Variants in SPECC1 observed in about 807,000 individuals in gnomAD.
SPECC1 encodes the protein sperm antigen with calponin homology and coiled-coil domains 1.
SPECC1 carries 62 observed loss-of-function variants against 104.1 expected under a neutral mutation model. That is an observed-to-expected ratio of 0.60 (90% CI 0.49 to 0.74). The LOEUF is 0.74. SPECC1 is among the 30% of genes least tolerant of loss of function. SPECC1 has a pLI of 0.00. For missense variants in SPECC1, 1,306 were observed against 1,310.5 expected (o/e 1.00, Z 0.05); for synonymous variants, 513 against 501.6 (o/e 1.02, Z -0.30).
At chr17:20,058,768 G>T (rs181844177) in intron 1 of SPECC1, among the ~76,000 whole-genome samples, 1 of 151,578 alleles carries the variant, frequency 6.6e-6, no homozygotes, top group Non-Finnish European at 1.5e-5. Flanking sequence ...GAATTTTTCC[G>T]TGAACTGGGG....
intron 4 of SPECC1, among the ~76,000 whole-genome samples, chr17:20,221,595 A>G (rs758849139): frequency 1.8e-4 from 28 of 151,938 alleles, no homozygotes; most frequent in Non-Finnish European, 3.4e-4. Context: ...TATCTTTTCA[A>G]AAACCAACTT....
intron 12 of SPECC1, among the ~76,000 whole-genome samples, chr17:20,287,252 C>T (rs961266137): frequency 7.9e-5 from 12 of 151,894 alleles, no homozygotes; most frequent in African/African-American, 2.9e-4. Context: ...CCCGTCTCTA[C>T]GAAAAATACA....
intron 1 of SPECC1, among the ~76,000 whole-genome samples, chr17:20,040,839 T>C (rs987243914): frequency 1.1e-4 from 16 of 152,232 alleles, no homozygotes; most frequent in African/African-American, 3.9e-4. Context: ...ATTTCGAATC[T>C]ATAGGTTTAT....
At chr17:20,050,284 G>T (rs1449471529) in intron 1 of SPECC1, among the ~76,000 whole-genome samples, 1 of 152,020 alleles carries the variant, frequency 6.6e-6, no homozygotes, top group African/African-American at 2.4e-5. Flanking sequence ...GTAAGGTAGG[G>T]TGCCCAACTG....
At chr17:20,227,906 A>G (rs779823182) in intron 5 of SPECC1, among the ~76,000 whole-genome samples, 2 of 152,018 alleles carry the variant, frequency 1.3e-5, no homozygotes, top group Non-Finnish European at 2.9e-5. Context: ...GGTCAAGCCC[A>G]GGAGAAATGT....
At position 20,296,987 on chromosome 17, in the gene SPECC1, C is replaced by T; in HGVS notation, c.2967C>T (p.Ser989=). The T allele has an allele frequency of 6.2e-7, 1 of 1,614,220 alleles. No homozygotes were observed. The highest frequency in any genetic ancestry group is 1.1e-5 in the South Asian group (1 of 91,084). ...ACATTGACATCACCAATTTCAGCAG[C>T]AGCTGGAGCGATGGCCTGGCCTTCT... The part of the protein sequence containing the change: ...YANIDITNFS[S]SWSDGLAFCA... Residue 989 remains serine (S), a synonymous_variant, in exon 13 of 15, where the codon AGC becomes AGT. Coordinates refer to ENST00000395527, the MANE Select transcript of SPECC1 (RefSeq NM_001243439.2).
intron 1 of SPECC1, among the ~76,000 whole-genome samples, chr17:20,016,669 C>T (rs1050770593): frequency 6.6e-6 from 1 of 152,256 alleles, no homozygotes; most frequent in African/African-American, 2.4e-5. Flanking sequence ...CCCTGCGGGG[C>T]AGCGCTCATG....
chr17:20,182,230 CA>C (rs974434897), intron 3 of SPECC1, among the ~76,000 whole-genome samples: 14 of 151,466 alleles, frequency 9.2e-5, no homozygotes, highest in African/African-American at 3.2e-4. Flanking sequence ...TCTCTCACCT[CA>C]GCCTCCCAAG....
At chr17:20,240,654 C>T (rs1263073726) in intron 7 of SPECC1, among the ~76,000 whole-genome samples, 2 of 152,122 alleles carry the variant, frequency 1.3e-5, no homozygotes, top group Non-Finnish European at 1.5e-5. Flanking sequence ...ATCCTTTGTC[C>T]ACTGAATTGA....
chr17:20,083,114 A>G (rs546917723), intron 1 of SPECC1, among the ~76,000 whole-genome samples: 4 of 152,290 alleles, frequency 2.6e-5, no homozygotes, highest in Admixed American at 2.0e-4. Context: ...GTCACCTGGG[A>G]CATTTAATTT....
At chr17:20,174,156 C>G (rs2034296873) in intron 3 of SPECC1, among the ~76,000 whole-genome samples, 1 of 152,006 alleles carries the variant, frequency 6.6e-6, no homozygotes. Flanking sequence ...GTTTTGAACT[C>G]CTGACCTCAA....
intron 1 of SPECC1, among the ~76,000 whole-genome samples, chr17:20,035,205 C>G (rs1457829402): frequency 6.6e-6 from 1 of 152,216 alleles, no homozygotes; most frequent in Admixed American, 6.5e-5. Flanking sequence ...AGTCTTGAAA[C>G]TGGATAGACT....
At chr17:20,288,853 G>A (rs905135887) in intron 12 of SPECC1, among the ~76,000 whole-genome samples, 1 of 145,884 alleles carries the variant, frequency 6.9e-6, no homozygotes, top group African/African-American at 2.5e-5. Flanking sequence ...GTGCGATCTC[G>A]GCTAACTGCA....
chr17:20,257,619 C>G lies in SPECC1; in HGVS notation c.2837+12C>G. On this transcript the variant is annotated intron_variant, in intron 11 of 14. Transcript: ENST00000395527. ...CAAAGCAAACTCAGGTATCGTGTTT[C>G]AAACAATAAGAAATCAGAAAAACAT... The G allele has an allele frequency of 2.5e-6, 4 of 1,610,400 alleles. No homozygotes were observed. Among genetic ancestry groups the G allele is most frequent in the Non-Finnish European group, 3.4e-6 (4 of 1,179,160 alleles).
chr17:20,057,940 C>A (rs1176870715), intron 1 of SPECC1: 2 of 151,914 alleles, frequency 1.3e-5, no homozygotes, highest in Admixed American at 1.3e-4. Flanking sequence ...AAATATATTT[C>A]TTTAATTTGT....
intron 1 of SPECC1, among the ~76,000 whole-genome samples, chr17:20,057,358 G>A (rs1052620922): frequency 1.4e-4 from 22 of 152,076 alleles, no homozygotes; most frequent in Non-Finnish European, 2.9e-4. Context: ...GGAGAATGGC[G>A]TGAACCCGGG....
At chr17:20,162,220 A>G (rs2033225557) in intron 3 of SPECC1, among the ~76,000 whole-genome samples, 1 of 150,836 alleles carries the variant, frequency 6.6e-6, no homozygotes, top group Non-Finnish European at 1.5e-5. Context: ...ATCTCGCCTC[A>G]CTGCAAGCTC....
intron 1 of SPECC1, among the ~76,000 whole-genome samples, chr17:20,027,337 T>C (rs1196139008): frequency 6.6e-6 from 1 of 152,204 alleles, no homozygotes; most frequent in African/African-American, 2.4e-5. Flanking sequence ...AGTCCCTTGA[T>C]GGATGGATAG....
chr17:20,309,170 A>G (rs534232636), intron 14 of SPECC1, among the ~76,000 whole-genome samples: 1 of 152,254 alleles, frequency 6.6e-6, no homozygotes, highest in African/African-American at 2.4e-5. Context: ...GAAATTTCCT[A>G]CATTCTTAAA....
Sources: gnomAD v4.1 joint callset for allele counts (sites outside exome capture counted in the v4.1 genomes callset) on GRCh38, gnomAD v4.1.1 for gene constraint, MANE v1.5 for transcripts, NCBI Gene and HGNC (gene_info 2026-07-23, HGNC 2026-07-21) for gene names.